AUTS2: variants seen among roughly 807,000 people sequenced by gnomAD.
AUTS2 encodes activator of transcription and developmental regulator AUTS2.
Under a neutral mutation model 112.4 loss-of-function variants are expected in AUTS2, and 17 were observed. The observed-to-expected ratio is 0.15, with a 90% confidence interval of 0.10 to 0.23. The LOEUF (loss-of-function observed/expected upper bound fraction) is 0.23. AUTS2 is among the 10% of genes least tolerant of loss of function. The pLI, the probability that AUTS2 is intolerant of heterozygous loss-of-function variation, is 1.00. For synonymous variants in AUTS2, 751 were observed against 702.7 expected, an observed-to-expected ratio of 1.07 and a Z score of -1.09; for missense variants, 1,510 against 1,701.6, an observed-to-expected ratio of 0.89 and a Z score of 1.98.
At chr7:69,752,658 G>T (rs529849747) in intron 1 of AUTS2, among the ~76,000 whole-genome samples, 1 of 152,306 alleles carries the variant, frequency 6.6e-6, no homozygotes, top group South Asian at 2.1e-4. Context: ...TGACTCGTGG[G>T]TGAATTAATC....
intron 2 of AUTS2, among the ~76,000 whole-genome samples, chr7:70,069,823 C>T (rs1300471300): frequency 2.6e-5 from 4 of 151,370 alleles, no homozygotes; most frequent in African/African-American, 9.7e-5. Flanking sequence ...GGTTCAGCTA[C>T]CAGCTTTTCA....
intron 4 of AUTS2, among the ~76,000 whole-genome samples, chr7:70,274,727 T>A (rs1028415305): frequency 6.6e-6 from 1 of 152,144 alleles, no homozygotes; most frequent in African/African-American, 2.4e-5. Flanking sequence ...ACGGAAAGGA[T>A]CTCTGATCTA....
chr7:70,484,908 A>C (rs776304599), intron 5 of AUTS2, among the ~76,000 whole-genome samples: 2 of 152,230 alleles, frequency 1.3e-5, no homozygotes, highest in Non-Finnish European at 2.9e-5. Context: ...TTATCAGGGA[A>C]ATGCAAAGTA....
chr7:69,764,937 AAC>A (rs980082691), intron 1 of AUTS2, among the ~76,000 whole-genome samples: 3 of 152,276 alleles, frequency 2.0e-5, no homozygotes, highest in Non-Finnish European at 2.9e-5. Context: ...TCACAGCCAA[AAC>A]ACAACAGTCT....
intron 1 of AUTS2, among the ~76,000 whole-genome samples, chr7:69,683,575 G>A (rs1796912262): frequency 1.3e-5 from 2 of 150,944 alleles, no homozygotes; most frequent in Admixed American, 1.3e-4. Context: ...CTATGACCCT[G>A]TGTCTAAAAA....
intron 5 of AUTS2, among the ~76,000 whole-genome samples, chr7:70,603,905 T>G (rs1803599137): frequency 7.3e-6 from 1 of 136,534 alleles, no homozygotes; most frequent in East Asian, 2.0e-4. Context: ...CTTCAGCACT[T>G]TAGTATTTTC....
At chr7:70,159,199 C>T (rs117728428) in intron 4 of AUTS2, among the ~76,000 whole-genome samples, 2,365 of 152,202 alleles carry the variant, frequency 0.016, 31 homozygotes, top group Non-Finnish European at 0.026. Flanking sequence ...TATGATATGG[C>T]GCATTTAGAA....
At chr7:69,896,475 C>T (rs994952671) in intron 1 of AUTS2, among the ~76,000 whole-genome samples, 1 of 151,860 alleles carries the variant, frequency 6.6e-6, no homozygotes, top group Non-Finnish European at 1.5e-5. Context: ...TAAGGCCTTT[C>T]CCCTTTTCTG....
chr7:70,071,735 A>G (rs958438614), intron 2 of AUTS2, among the ~76,000 whole-genome samples: 1 of 152,190 alleles, frequency 6.6e-6, no homozygotes, highest in African/African-American at 2.4e-5. Flanking sequence ...ACACATTGCA[A>G]TTCTTCAGAA....
chr7:69,702,303 G>T (rs1028388018), intron 1 of AUTS2, among the ~76,000 whole-genome samples: 1 of 152,170 alleles, frequency 6.6e-6, no homozygotes, highest in Non-Finnish European at 1.5e-5. Flanking sequence ...ACAAATAAAA[G>T]GGCTGTAGTT....
At chr7:70,018,649 G>T (rs1800138410) in intron 2 of AUTS2, among the ~76,000 whole-genome samples, 1 of 152,170 alleles carries the variant, frequency 6.6e-6, no homozygotes, top group Admixed American at 6.5e-5. Flanking sequence ...CAATAAATTT[G>T]ACTTAAGTTG....
chr7:69,691,702 G>A (rs1273881788), intron 1 of AUTS2, among the ~76,000 whole-genome samples: 2 of 151,874 alleles, frequency 1.3e-5, no homozygotes, highest in African/African-American at 4.8e-5. Flanking sequence ...AGCTGCAGCT[G>A]TGCCCAGGAG....
At chr7:69,876,349 AAT>A (rs61416382) in intron 1 of AUTS2, among the ~76,000 whole-genome samples, 2,372 of 29,518 alleles carry the variant, frequency 0.08, 90 homozygotes, top group South Asian at 0.098. Context: ...AAAAAAAAAA[AAT>A]ATATATATAT....
At chr7:70,649,552 G>A (rs188550992) in intron 5 of AUTS2, among the ~76,000 whole-genome samples, 10 of 137,598 alleles carry the variant, frequency 7.3e-5, no homozygotes, top group Non-Finnish European at 1.2e-4. Context: ...TTTTTGAGAC[G>A]GAGTCTCGCA....
intron 5 of AUTS2, among the ~76,000 whole-genome samples, chr7:70,496,567 C>CA (rs1798526161): frequency 8.2e-6 from 1 of 122,154 alleles, no homozygotes; most frequent in African/African-American, 3.2e-5. Context: ...CACACACACC[C>CA]CACACATGCA....
At chr7:70,340,873 T>C (rs1055426410) in intron 4 of AUTS2, among the ~76,000 whole-genome samples, 1 of 152,238 alleles carries the variant, frequency 6.6e-6, no homozygotes, top group Non-Finnish European at 1.5e-5. Context: ...AAAGTACTTT[T>C]TTGGGTGTTG....
chr7:70,460,203 T>C (rs1445575274), intron 5 of AUTS2, among the ~76,000 whole-genome samples: 2 of 152,130 alleles, frequency 1.3e-5, no homozygotes, highest in Admixed American at 1.3e-4. Context: ...CCCTGAAGTC[T>C]GTGCGAAGTG....
At chr7:70,088,319 G>T (rs1433289205) in intron 2 of AUTS2, among the ~76,000 whole-genome samples, 1 of 151,618 alleles carries the variant, frequency 6.6e-6, no homozygotes, top group Non-Finnish European at 1.5e-5. Context: ...AGTAGAGATG[G>T]GGTTTCACCA....
chr7:70,781,031 T>C (rs1791034524), intron 14 of AUTS2, among the ~76,000 whole-genome samples: 1 of 152,110 alleles, frequency 6.6e-6, no homozygotes. Flanking sequence ...TCTCCATAAA[T>C]AGGATATGGT....
Sources: gnomAD v4.1 joint callset for allele counts (sites outside exome capture counted in the v4.1 genomes callset) on GRCh38, gnomAD v4.1.1 for gene constraint, MANE v1.5 for transcripts, NCBI Gene and HGNC (gene_info 2026-07-23, HGNC 2026-07-21) for gene names.